SUGP1: variants seen among roughly 807,000 people sequenced by gnomAD.
SUGP1 encodes SURP and G-patch domain-containing protein 1.
In SUGP1, 34 loss-of-function variants were observed where a neutral mutation model predicts 76.5. The observed-to-expected ratio is 0.44, with a 90% CI of 0.34 to 0.59. The LOEUF is 0.59. Among genes scored for constraint, SUGP1 ranks in the 20% least tolerant of loss-of-function variants. The probability of loss-of-function intolerance (pLI) is 0.01; values close to 1 mark genes in which losing one functional copy is unlikely to be tolerated. For synonymous variants in SUGP1, 326 were observed against 326.2 expected, an observed-to-expected ratio of 1.00 and a Z score of 0.01; for missense variants, 752 against 851.7, an observed-to-expected ratio of 0.88 and a Z score of 1.46.
At chr19:19,290,409 G>A (rs4808938) in intron 8 of SUGP1, among the ~76,000 whole-genome samples, 63,739 of 152,038 alleles carry the variant, frequency 0.42, 14,822 homozygotes, top group African/African-American at 0.62. Flanking sequence ...CTTGGGAGGC[G>A]GAAGCAAGTG....
intron 12 of SUGP1, 23 bp downstream of exon 12, chr19:19,277,711 C>T: frequency 6.2e-7 from 1 of 1,611,110 alleles, no homozygotes; most frequent in Non-Finnish European, 8.5e-7. Flanking sequence ...CATGGCCATG[C>T]CCTCCCACAA....
chr19:19,318,407 A>C (rs1012122009), intron 1 of SUGP1, among the ~76,000 whole-genome samples: 7 of 151,934 alleles, frequency 4.6e-5, no homozygotes, highest in Non-Finnish European at 7.4e-5. Context: ...GGCGTGAGCC[A>C]CCACACCCAG....
intron 9 of SUGP1, among the ~76,000 whole-genome samples, chr19:19,279,657 G>A (rs554883759): frequency 1.3e-5 from 2 of 152,294 alleles, no homozygotes; most frequent in South Asian, 2.1e-4. Context: ...GTGATGTGAC[G>A]GGGCTGCGGG....
intron 4 of SUGP1, among the ~76,000 whole-genome samples, chr19:19,304,916 T>C (rs376862481): frequency 8.9e-4 from 135 of 152,308 alleles, no homozygotes; most frequent in African/African-American, 3.2e-3. Context: ...GCAACAATCC[T>C]GACCTGGTTG....
intron 8 of SUGP1, among the ~76,000 whole-genome samples, chr19:19,291,719 C>T (rs2146602822): frequency 6.6e-6 from 1 of 151,852 alleles, no homozygotes; most frequent in South Asian, 2.1e-4. Context: ...GAAACCCCGT[C>T]TCTACTAAAA....
chr19:19,317,160 C>T (rs1054552241), intron 1 of SUGP1, among the ~76,000 whole-genome samples: 1 of 149,950 alleles, frequency 6.7e-6, no homozygotes, highest in Non-Finnish European at 1.5e-5. Context: ...AAAGTAAGTG[C>T]ACAATGTGGT....
At chr19:19,302,568 C>A (rs2061280550) in intron 6 of SUGP1, 180 bp from the exon 7 acceptor site, 1 of 867,556 alleles carries the variant, frequency 1.2e-6, no homozygotes, top group Non-Finnish European at 1.7e-6. Flanking sequence ...CACCTCAAGC[C>A]CCCACCCCCG....
Position 19,276,645 on chromosome 19 carries a change from C to G in SUGP1, c.*3G>C. The G allele has an allele frequency of 6.2e-7, 1 of 1,614,132 alleles. No homozygotes were observed. The highest frequency in any genetic ancestry group is 1.1e-5 in the South Asian group (1 of 91,082). On this transcript the variant is annotated 3_prime_UTR_variant, in exon 14 of 14. Coordinates refer to ENST00000247001, the MANE Select transcript of SUGP1 (RefSeq NM_172231.4). ...ATTCAGAAAGTATGTATTTCCAGAA[C>G]ACTCAGTAGTAAGGCCGTCTGGGAT...
In SUGP1 at chr19:19,316,445, G is replaced by A; in HGVS notation, c.183C>T (p.Ser61=). ...EQKAKQNQVA[S]PQPPHPGEIT... ...ACTCGCCAGGATGTGGGGGCTGAGGGCTGGCCACCTGATTCTGCTTGGCTT... is the reference window on the plus strand; with the variant it reads ...ACTCGCCAGGATGTGGGGGCTGAGGACTGGCCACCTGATTCTGCTTGGCTT... Residue 61 remains serine (S), a synonymous_variant, in exon 2 of 14, where the codon AGC becomes AGT. Coordinates refer to ENST00000247001, the MANE Select transcript of SUGP1 (RefSeq NM_172231.4). 6.2e-7 allele frequency: 1 copy of A among 1,613,928 alleles called. No homozygotes were observed. Among genetic ancestry groups the A allele is most frequent in the Non-Finnish European group, 8.5e-7 (1 of 1,180,014 alleles).
intron 2 of SUGP1, among the ~76,000 whole-genome samples, chr19:19,313,255 C>T (rs948322036): frequency 2.0e-5 from 3 of 151,808 alleles, no homozygotes; most frequent in Non-Finnish European, 4.4e-5. Flanking sequence ...ATTAGCCGGG[C>T]GTGGTAGCGG....
chr19:19,278,219 A>G (rs1183260052), intron 11 of SUGP1, among the ~76,000 whole-genome samples: 1 of 152,184 alleles, frequency 6.6e-6, no homozygotes, highest in African/African-American at 2.4e-5. Flanking sequence ...AGGTACTAAT[A>G]AGAGATGGAC....
chr19:19,297,404 T>A, intron 7 of SUGP1, 60 bp from the exon 8 acceptor site: 1 of 1,408,032 alleles, frequency 7.1e-7, no homozygotes, highest in South Asian at 1.5e-5. Context: ...TCCCTGATTC[T>A]GGGCAGGAGC....
In SUGP1 at chr19:19,279,517, G is replaced by A; in HGVS notation, c.1351-127C>T. On this transcript the variant is annotated intron_variant, in intron 9 of 13. Transcript: ENST00000247001. Reference sequence around the variant, plus strand: ...GTGGCTCATCTGGACCCCTGGGCAGGACTGGAGCAAGGACTCTAGCAAGTA... The same window carrying A: ...GTGGCTCATCTGGACCCCTGGGCAGAACTGGAGCAAGGACTCTAGCAAGTA... 6 of 1,048,380 alleles carry A rather than the reference G, an allele frequency of 5.7e-6. No homozygotes were observed. In the South Asian group the frequency reaches 9.4e-5, roughly 16 times the overall value. 64.9% of individuals were successfully genotyped at this position (1,048,380 alleles called of 1,614,324 possible). A position where few individuals can be genotyped will look rare whatever the true frequency, so the allele number is the denominator to read the frequency against.
intron 8 of SUGP1, among the ~76,000 whole-genome samples, chr19:19,291,050 G>C (rs1374201817): frequency 6.6e-6 from 1 of 152,164 alleles, no homozygotes; most frequent in Non-Finnish European, 1.5e-5. Flanking sequence ...CCGGGAGGTA[G>C]AGGTTGCAGT....
rs758598757 is a variant in SUGP1, at chr19:19,302,324, G to A, written c.828C>T (p.Asp276=). 6.3e-5 allele frequency: 102 copies of A among 1,614,008 alleles called. No individual in the cohort carries two copies. The highest frequency in any genetic ancestry group is 3.1e-4 in the South Asian group (28 of 91,088). Residue 276 remains aspartate (D), a synonymous_variant, in exon 7 of 14, where the codon GAC becomes GAT. Transcript: ENST00000247001. The part of the protein sequence containing the change: ...LAEKLARFIA[D]GGPEVETIAL... ...CAATGGTTTCCACCTCGGGACCCCC[G>A]TCCGCTATGAACCTGGCCAACTTTT...
chr19:19,278,164 A>G (rs1230538212), intron 11 of SUGP1, among the ~76,000 whole-genome samples: 1 of 152,210 alleles, frequency 6.6e-6, no homozygotes, highest in East Asian at 1.9e-4. Context: ...GTTCACTGGC[A>G]AAGAGAAGCC....
At chr19:19,319,553 G>C (rs771362756) in intron 1 of SUGP1, among the ~76,000 whole-genome samples, 1 of 151,454 alleles carries the variant, frequency 6.6e-6, no homozygotes, top group Non-Finnish European at 1.5e-5. Context: ...CATGGGAAAC[G>C]TGGCAACACA....
chr19:19,309,972 A>C, intron 3 of SUGP1, 125 bp downstream of exon 3: 2 of 654,428 alleles, frequency 3.1e-6, no homozygotes, highest in Non-Finnish European at 5.5e-6. Flanking sequence ...GCATGGGTGG[A>C]ATGAGGGCGA....
intron 8 of SUGP1, 72 bp downstream of exon 8, chr19:19,296,917 C>G (rs1439544077): frequency 1.6e-6 from 2 of 1,278,522 alleles, no homozygotes; most frequent in South Asian, 3.0e-5. Context: ...TGTGGATGAA[C>G]CTTGAAGACA....
Sources: allele counts gnomAD v4.1 joint callset (sites outside exome capture counted in the v4.1 genomes callset), GRCh38; gene constraint gnomAD v4.1.1; transcripts MANE v1.5; gene names NCBI Gene and HGNC (gene_info 2026-07-23, HGNC 2026-07-21).